The following NME7 variants were observed in gnomAD, a reference collection of about 807,000 sequenced individuals.
NME7 encodes nucleoside diphosphate kinase 7.
A neutral mutation model predicts 49.1 loss-of-function variants in NME7; 41 were observed. The ratio of observed to expected loss-of-function variants is 0.83; its 90% CI spans 0.65 to 1.08. NME7 has a LOEUF of 1.08. Among genes scored for constraint, NME7 ranks in the 50% least tolerant of loss-of-function variants. The pLI is 0.00. For synonymous variants in NME7, 139 were observed against 150.6 expected, an observed-to-expected ratio of 0.92 and a Z score of 0.56; for missense variants, 423 against 463.4, an observed-to-expected ratio of 0.91 and a Z score of 0.80.
chr1:169,164,039 A>G (rs139858277), intron 11 of NME7, among the ~76,000 whole-genome samples: 16 of 151,300 alleles, frequency 1.1e-4, no homozygotes, highest in African/African-American at 3.6e-4. Context: ...GAACCCGGGA[A>G]GCAGAGGTTG....
At chr1:169,138,980 T>C (rs1351517051) in intron 11 of NME7, among the ~76,000 whole-genome samples, 2 of 152,212 alleles carry the variant, frequency 1.3e-5, no homozygotes, top group Non-Finnish European at 2.9e-5. Context: ...CTAGCCCCTT[T>C]TGCCTCGAAG....
chr1:169,254,073 C>G (rs1214711660), intron 7 of NME7, among the ~76,000 whole-genome samples: 1 of 150,688 alleles, frequency 6.6e-6, no homozygotes, highest in Non-Finnish European at 1.5e-5. Context: ...TGATGCTGGC[C>G]TCATAAAATG....
At chr1:169,263,605 G>A (rs1649229790) in intron 7 of NME7, among the ~76,000 whole-genome samples, 1 of 133,616 alleles carries the variant, frequency 7.5e-6, no homozygotes, top group South Asian at 2.3e-4. Context: ...ATGGAATTAT[G>A]TAAAAGACCA....
intron 3 of NME7, among the ~76,000 whole-genome samples, chr1:169,312,176 G>C (rs1015876544): frequency 6.6e-6 from 1 of 152,222 alleles, no homozygotes; most frequent in African/African-American, 2.4e-5. Flanking sequence ...TATTCAGCTA[G>C]TGGGCCAGCT....
chr1:169,172,462 G>A (rs558995975), intron 10 of NME7, among the ~76,000 whole-genome samples: 2 of 152,110 alleles, frequency 1.3e-5, no homozygotes, highest in Admixed American at 1.3e-4. Flanking sequence ...TAAGGACTTG[G>A]TAAGCAAGGG....
In NME7 at chr1:169,367,602, A is replaced by C. The variant is rs1571428304; in HGVS notation, c.3+106T>G. On this transcript the variant is annotated intron_variant, in intron 1 of 11. Transcript: ENST00000367811. ...GAAGGGGGAAAGAGATAACGGGGAG[A>C]AGGTCGGGAGGACCGGACAACTTTA... is the stretch of plus-strand genomic sequence containing the variant. 3.2e-6 allele frequency: 4 copies of C among 1,239,120 alleles called. No homozygotes were observed. The East Asian group carries it at 9.3e-5, about 29-fold the overall frequency. 76.8% of individuals were successfully genotyped at this position (1,239,120 alleles called of 1,614,324 possible).
chr1:169,139,152 C>G (rs578009877), intron 11 of NME7, among the ~76,000 whole-genome samples: 1 of 152,204 alleles, frequency 6.6e-6, no homozygotes, highest in African/African-American at 2.4e-5. Context: ...ACTTCTTAGT[C>G]ATAACAGTAT....
chr1:169,165,221 A>G (rs1385125949), intron 11 of NME7, among the ~76,000 whole-genome samples: 1 of 152,204 alleles, frequency 6.6e-6, no homozygotes, highest in Non-Finnish European at 1.5e-5. Context: ...TATGAGTTCT[A>G]GGAGAACAGT....
At chr1:169,273,941 T>G (rs1216030571) in intron 7 of NME7, among the ~76,000 whole-genome samples, 1 of 131,608 alleles carries the variant, frequency 7.6e-6, no homozygotes, top group African/African-American at 2.6e-5. Flanking sequence ...TGTGTCTTTA[T>G]AGCAGCATGA....
At chr1:169,254,544 T>C (rs1222701250) in intron 7 of NME7, among the ~76,000 whole-genome samples, 1 of 151,750 alleles carries the variant, frequency 6.6e-6, no homozygotes. Flanking sequence ...TTTGAAGGGT[T>C]TTTTGTATCT....
intron 9 of NME7, among the ~76,000 whole-genome samples, chr1:169,234,203 C>T (rs898574541): frequency 1.3e-5 from 2 of 152,098 alleles, no homozygotes; most frequent in African/African-American, 4.8e-5. Context: ...TTTCTGTTTC[C>T]TTTACAGCCT....
intron 4 of NME7, among the ~76,000 whole-genome samples, chr1:169,306,770 C>T (rs1455986637): frequency 6.6e-6 from 1 of 152,138 alleles, no homozygotes; most frequent in Non-Finnish European, 1.5e-5. Flanking sequence ...GTAATTCTAG[C>T]ACTTTGGGAG....
At chr1:169,199,492 ATTT>A (rs1557984547) in intron 10 of NME7, among the ~76,000 whole-genome samples, 1 of 123,160 alleles carries the variant, frequency 8.1e-6, no homozygotes, top group Non-Finnish European at 1.8e-5. Flanking sequence ...TATTATTATT[ATTT>A]TTAAATTGAG....
chr1:169,237,572 A>C (rs1558001368), intron 8 of NME7, 51 bp downstream of exon 8: 2 of 1,375,650 alleles, frequency 1.5e-6, no homozygotes, highest in South Asian at 2.4e-5. Flanking sequence ...TTTTATAACT[A>C]TTTTTGAAAA....
intron 10 of NME7, among the ~76,000 whole-genome samples, chr1:169,224,865 CA>C (rs1313866387): frequency 6.6e-6 from 1 of 151,970 alleles, no homozygotes; most frequent in East Asian, 1.9e-4. Flanking sequence ...TAAATAAGTA[CA>C]GTAAAATTTA....
At chr1:169,355,219 T>C (rs1653400756) in intron 1 of NME7, among the ~76,000 whole-genome samples, 1 of 71,396 alleles carries the variant, frequency 1.4e-5, no homozygotes, top group African/African-American at 5.6e-5. Flanking sequence ...ATATTATATA[T>C]TATAGATATA....
chr1:169,153,237 T>G (rs2420010), intron 11 of NME7, among the ~76,000 whole-genome samples: 57,333 of 151,882 alleles, frequency 0.38, 11,286 homozygotes, highest in East Asian at 0.73. Flanking sequence ...GGTAAACAAT[T>G]TGGCATAGTA....
At chr1:169,214,203 G>A (rs1465413897) in intron 10 of NME7, among the ~76,000 whole-genome samples, 1 of 152,148 alleles carries the variant, frequency 6.6e-6, no homozygotes, top group Non-Finnish European at 1.5e-5. Flanking sequence ...GTTTGGAAAG[G>A]GAGCTTATAT....
At chr1:169,297,677 G>A (rs959779287) in intron 6 of NME7, among the ~76,000 whole-genome samples, 7 of 152,142 alleles carry the variant, frequency 4.6e-5, no homozygotes, top group African/African-American at 1.4e-4. Context: ...TTTTATTCTA[G>A]AAGAGACAGA....
Sources: allele counts gnomAD v4.1 joint callset (sites outside exome capture counted in the v4.1 genomes callset), GRCh38; gene constraint gnomAD v4.1.1; transcripts MANE v1.5; gene names NCBI Gene and HGNC (gene_info 2026-07-23, HGNC 2026-07-21).